The following CIB4 variants were observed in gnomAD, a reference collection of about 807,000 sequenced individuals.
CIB4 encodes the protein calcium and integrin-binding family member 4.
CIB4 carries 25 observed loss-of-function variants against 25.8 expected under a neutral mutation model. That is an observed-to-expected ratio of 0.97 (90% confidence interval 0.71 to 1.35). The LOEUF (loss-of-function observed/expected upper bound fraction) is 1.35. Ranked by LOEUF, CIB4 falls within the 40% of genes most tolerant of loss-of-function variation. The pLI, the probability that CIB4 is intolerant of heterozygous loss-of-function variation, is 0.00. For synonymous variants in CIB4, 75 were observed against 81.4 expected, an observed-to-expected ratio of 0.92 and a Z score of 0.42; for missense variants, 235 against 228.2, an observed-to-expected ratio of 1.03 and a Z score of -0.19.
chr2:26,616,511 G>A (rs1572561408), intron 3 of CIB4, among the ~76,000 whole-genome samples: 1 of 152,190 alleles, frequency 6.6e-6, no homozygotes, highest in Non-Finnish European at 1.5e-5. Flanking sequence ...GTGGGGCCTG[G>A]CTTGGGGACT....
chr2:26,622,045 C>T (rs890365189), intron 3 of CIB4, among the ~76,000 whole-genome samples: 1 of 152,180 alleles, frequency 6.6e-6, no homozygotes, highest in African/African-American at 2.4e-5. Context: ...CAGCTCTGAA[C>T]AGTGTATGCA....
intron 3 of CIB4, 130 bp from the exon 4 acceptor site, chr2:26,595,447 C>T (rs1169960422): frequency 8.6e-6 from 9 of 1,045,518 alleles, no homozygotes; most frequent in Middle Eastern, 6.4e-4. Context: ...ATGTAAATAT[C>T]GGAGTAGATG....
intron 3 of CIB4, among the ~76,000 whole-genome samples, chr2:26,617,595 G>T (rs1412368210): frequency 6.6e-6 from 1 of 152,188 alleles, no homozygotes; most frequent in East Asian, 1.9e-4. Context: ...GAGTGGAATT[G>T]CTGTACTCAT....
chr2:26,603,567 A>G (rs1283816064), intron 3 of CIB4, among the ~76,000 whole-genome samples: 4 of 152,230 alleles, frequency 2.6e-5, no homozygotes, highest in African/African-American at 9.6e-5. Flanking sequence ...AGCATCCAAG[A>G]ACAAAACTCA....
At chr2:26,604,654 C>T (rs550885249) in intron 3 of CIB4, among the ~76,000 whole-genome samples, 46 of 152,176 alleles carry the variant, frequency 3.0e-4, no homozygotes, top group South Asian at 6.2e-4. Flanking sequence ...CAGCAGTAAA[C>T]CAGAGCTACA....
chr2:26,603,541 A>T (rs1306516495), intron 3 of CIB4, among the ~76,000 whole-genome samples: 1 of 152,216 alleles, frequency 6.6e-6, no homozygotes, highest in Non-Finnish European at 1.5e-5. Context: ...AATATCAATG[A>T]TTTCAGTAAC....
At chr2:26,609,477 C>G (rs72857964) in intron 3 of CIB4, among the ~76,000 whole-genome samples, 1 of 152,060 alleles carries the variant, frequency 6.6e-6, no homozygotes, top group East Asian at 1.9e-4. Flanking sequence ...GTGAAGAGGC[C>G]GAGAGTTTTG....
chr2:26,598,150 A>C (rs1432553523), intron 3 of CIB4, among the ~76,000 whole-genome samples: 1 of 151,864 alleles, frequency 6.6e-6, no homozygotes, highest in East Asian at 1.9e-4. Flanking sequence ...AAATACAAAA[A>C]TTAGTAGGGC....
chr2:26,605,164 A>G (rs565979161), intron 3 of CIB4, among the ~76,000 whole-genome samples: 4 of 152,388 alleles, frequency 2.6e-5, no homozygotes, highest in South Asian at 2.1e-4. Flanking sequence ...ATGAATAATT[A>G]GAAATTATTT....
intron 5 of CIB4, among the ~76,000 whole-genome samples, chr2:26,583,409 T>G (rs1365377685): frequency 6.6e-6 from 1 of 151,844 alleles, no homozygotes; most frequent in Non-Finnish European, 1.5e-5. Flanking sequence ...TGGGACAGAG[T>G]GGGGAGGGGA....
chr2:26,622,140 C>G (rs574845504), intron 3 of CIB4, among the ~76,000 whole-genome samples: 185 of 152,076 alleles, frequency 1.2e-3, no homozygotes, highest in African/African-American at 4.3e-3. Context: ...GCGGGTGGAT[C>G]GCCTGAGGTC....
At chr2:26,636,720 G>A (rs184555329) in intron 2 of CIB4, among the ~76,000 whole-genome samples, 1 of 152,256 alleles carries the variant, frequency 6.6e-6, no homozygotes, top group African/African-American at 2.4e-5. Flanking sequence ...ATGACAAAAA[G>A]TATTGTTATC....
chr2:26,634,124 G>C (rs533304774), intron 2 of CIB4, among the ~76,000 whole-genome samples: 1 of 152,218 alleles, frequency 6.6e-6, no homozygotes, highest in East Asian at 1.9e-4. Flanking sequence ...TCAAGGCCAG[G>C]ATAGAGCCCG....
At chr2:26,625,406 G>T (rs1669284224) in intron 3 of CIB4, among the ~76,000 whole-genome samples, 1 of 144,126 alleles carries the variant, frequency 6.9e-6, no homozygotes, top group Non-Finnish European at 1.5e-5. Flanking sequence ...AGGCTGGAGT[G>T]CAATGGCGCA....
chr2:26,640,471 G>A, intron 2 of CIB4, 62 bp downstream of exon 2: 1 of 1,560,718 alleles, frequency 6.4e-7, no homozygotes, highest in South Asian at 1.1e-5. Flanking sequence ...CTGTATTAGG[G>A]CAAGAATCCA....
chr2:26,620,838 G>A (rs924229225), intron 3 of CIB4, among the ~76,000 whole-genome samples: 5 of 152,134 alleles, frequency 3.3e-5, no homozygotes, highest in Admixed American at 1.3e-4. Context: ...AGGAGAGGAC[G>A]CTACAAAAAC....
intron 2 of CIB4, among the ~76,000 whole-genome samples, chr2:26,630,091 C>T (rs936257782): frequency 2.0e-5 from 3 of 152,196 alleles, no homozygotes; most frequent in Non-Finnish European, 4.4e-5. Flanking sequence ...TCCTAATCAT[C>T]CCTGTCAGCG....
chr2:26,630,602 A>G (rs1442678333), intron 2 of CIB4, among the ~76,000 whole-genome samples: 2 of 151,776 alleles, frequency 1.3e-5, no homozygotes, highest in Non-Finnish European at 2.9e-5. Flanking sequence ...CACTGTCTCT[A>G]GAGCCGGACA....
chr2:26,605,468 G>A (rs1468015524), intron 3 of CIB4: 1 of 470,300 alleles, frequency 2.1e-6, no homozygotes, highest in African/African-American at 2.0e-5. Flanking sequence ...ACGGTGACTT[G>A]GACGCCACAG....
Sources: gnomAD v4.1 joint callset for allele counts (sites outside exome capture counted in the v4.1 genomes callset) on GRCh38, gnomAD v4.1.1 for gene constraint, MANE v1.5 for transcripts, NCBI Gene and HGNC (gene_info 2026-07-23, HGNC 2026-07-21) for gene names.